NRG3: variants seen among roughly 807,000 people sequenced by gnomAD.
NRG3 encodes the protein pro-neuregulin-3, membrane-bound isoform.
NRG3 carries 31 observed loss-of-function variants against 66.9 expected under a neutral mutation model. That is an observed-to-expected ratio of 0.46 (90% CI 0.35 to 0.63). NRG3 has a LOEUF of 0.63. NRG3 is among the 20% of genes least tolerant of loss of function. The probability of loss-of-function intolerance (pLI) is 0.00; values close to 1 mark genes in which losing one functional copy is unlikely to be tolerated. For synonymous variants in NRG3, 393 were observed against 359.4 expected, an observed-to-expected ratio of 1.09 and a Z score of -1.06; for missense variants, 910 against 878.9, an observed-to-expected ratio of 1.04 and a Z score of -0.45.
chr10:81,999,242 C>G (rs979756031), intron 1 of NRG3, among the ~76,000 whole-genome samples: 1 of 152,126 alleles, frequency 6.6e-6, no homozygotes, highest in African/African-American at 2.4e-5. Flanking sequence ...CATGTTCTTA[C>G]GAGACCTCAA....
At position 82,523,479 on chromosome 10, in the gene NRG3, G is replaced by T. The variant is rs188505936; in HGVS notation, c.953+164611G>T. Among the ~76,000 whole-genome samples, 3 of 152,140 alleles carry T rather than the reference G, an allele frequency of 2.0e-5. No individual in the cohort carries two copies. In the East Asian group the frequency reaches 5.8e-4, roughly 29 times the overall value. On this transcript the variant is annotated intron_variant, in intron 2 of 8. Transcript: ENST00000372141. Reference sequence around the variant, plus strand: ...TGTATTTCTCTGATAGGTAATGATGGTAAGCATATTTTAATGTCCTTACCG... The same window carrying T: ...TGTATTTCTCTGATAGGTAATGATGTTAAGCATATTTTAATGTCCTTACCG...
At chr10:82,060,881 C>A (rs1157644113) in intron 1 of NRG3, among the ~76,000 whole-genome samples, 1 of 152,176 alleles carries the variant, frequency 6.6e-6, no homozygotes, top group Non-Finnish European at 1.5e-5. Flanking sequence ...CTTTCTGACT[C>A]TGGTTGTCTC....
intron 1 of NRG3, among the ~76,000 whole-genome samples, chr10:81,971,633 A>G (rs2059937206): frequency 1.3e-5 from 2 of 152,344 alleles, no homozygotes; most frequent in East Asian, 1.9e-4. Flanking sequence ...ATCTTGAGGT[A>G]GGAAACAAAT....
chr10:82,107,155 A>T (rs1162709891), intron 1 of NRG3, among the ~76,000 whole-genome samples: 1 of 152,228 alleles, frequency 6.6e-6, no homozygotes, highest in East Asian at 1.9e-4. Flanking sequence ...CTTGCATTAC[A>T]CTTACTGGTT....
At chr10:82,218,251 CATA>C (rs943028548) in intron 1 of NRG3, among the ~76,000 whole-genome samples, 53 of 152,270 alleles carry the variant, frequency 3.5e-4, no homozygotes, top group African/African-American at 1.2e-3. Context: ...AAATTAACAG[CATA>C]ATATTACGTG....
intron 1 of NRG3, among the ~76,000 whole-genome samples, chr10:82,098,456 C>A (rs2132077557): frequency 6.6e-6 from 1 of 152,198 alleles, no homozygotes; most frequent in South Asian, 2.1e-4. Flanking sequence ...AGTGCTGCTC[C>A]TTGAGCCCCC....
chr10:82,664,766 T>G (rs1215822773), intron 2 of NRG3, among the ~76,000 whole-genome samples: 2 of 151,806 alleles, frequency 1.3e-5, no homozygotes, highest in Non-Finnish European at 2.9e-5. Context: ...GTCATCCGTG[T>G]TCCCACAGCA....
At chr10:82,898,891 T>C (rs1843937753) in intron 4 of NRG3, among the ~76,000 whole-genome samples, 1 of 151,922 alleles carries the variant, frequency 6.6e-6, no homozygotes. Context: ...TTTTGTATTT[T>C]TAGTAGAGAC....
At chr10:82,273,382 G>A (rs373229233) in intron 1 of NRG3, among the ~76,000 whole-genome samples, 2 of 151,998 alleles carry the variant, frequency 1.3e-5, no homozygotes, top group East Asian at 1.9e-4. Context: ...TTCATACTTT[G>A]TGCTTTCCTT....
At chr10:81,977,629 A>C (rs1294173666) in intron 1 of NRG3, among the ~76,000 whole-genome samples, 2 of 152,180 alleles carry the variant, frequency 1.3e-5, no homozygotes, top group African/African-American at 4.8e-5. Context: ...ACTCTTTGTC[A>C]TTAATTAAAA....
chr10:82,436,951 C>G (rs1363073614), intron 2 of NRG3, among the ~76,000 whole-genome samples: 1 of 152,116 alleles, frequency 6.6e-6, no homozygotes, highest in East Asian at 1.9e-4. Flanking sequence ...TGGCCTTTCC[C>G]TCTGGCTGCC....
chr10:82,810,789 A>G (rs2061462306), intron 3 of NRG3, among the ~76,000 whole-genome samples: 1 of 151,552 alleles, frequency 6.6e-6, no homozygotes, highest in African/African-American at 2.4e-5. Flanking sequence ...CAAGCCAGTG[A>G]TGCTGAGGGT....
intron 1 of NRG3, among the ~76,000 whole-genome samples, chr10:81,879,898 C>G (rs562470264): frequency 1.1e-3 from 165 of 152,288 alleles, no homozygotes; most frequent in South Asian, 2.3e-3. Flanking sequence ...ACATTGTATT[C>G]TCTCTACATG....
In NRG3 at chr10:82,521,363, G is replaced by C. The variant is rs533014631; in HGVS notation, c.953+162495G>C. 3.9e-5 allele frequency among the ~76,000 whole-genome samples: 6 copies of C among 152,096 alleles called. No homozygotes were observed. The East Asian group carries it at 1.2e-3, about 29-fold the overall frequency. ...GATTACGGACTTTTTTTTATTTTGA[G>C]ACAGTCTCGCACTGTCGCCCAGGCT... On this transcript the variant is annotated intron_variant, in intron 2 of 8. Coordinates refer to ENST00000372141, the MANE Select transcript of NRG3 (RefSeq NM_001010848.4).
At chr10:82,838,181 C>T (rs534351564) in intron 3 of NRG3, among the ~76,000 whole-genome samples, 91 of 152,128 alleles carry the variant, frequency 6.0e-4, no homozygotes, top group African/African-American at 1.8e-3. Flanking sequence ...AGTAAATGCA[C>T]GTGTTCTTGC....
intron 4 of NRG3, among the ~76,000 whole-genome samples, chr10:82,912,285 C>T (rs1322632767): frequency 1.3e-5 from 2 of 152,062 alleles, no homozygotes; most frequent in East Asian, 3.9e-4. Flanking sequence ...AATCTATTTC[C>T]CCTTGTAGTT....
intron 1 of NRG3, among the ~76,000 whole-genome samples, chr10:82,180,484 A>G (rs550644309): frequency 3.3e-5 from 5 of 151,806 alleles, no homozygotes; most frequent in Admixed American, 1.3e-4. Context: ...CTTTTTCTGT[A>G]TATCTTGAGA....
At chr10:82,894,860 T>G (rs1482876228) in intron 4 of NRG3, among the ~76,000 whole-genome samples, 3 of 152,180 alleles carry the variant, frequency 2.0e-5, no homozygotes, top group Admixed American at 1.3e-4. Context: ...AAGCCCTGCA[T>G]GCATTAGGTG....
At chr10:82,852,709 T>A (rs565520529) in intron 3 of NRG3, among the ~76,000 whole-genome samples, 1 of 152,302 alleles carries the variant, frequency 6.6e-6, no homozygotes, top group Admixed American at 6.5e-5. Flanking sequence ...TAGAAATTTC[T>A]AAATTCATCC....
Sources: allele counts gnomAD v4.1 joint callset (sites outside exome capture counted in the v4.1 genomes callset), GRCh38; gene constraint gnomAD v4.1.1; transcripts MANE v1.5; gene names NCBI Gene and HGNC (gene_info 2026-07-23, HGNC 2026-07-21).